The following SRGAP3 variants were observed in gnomAD, a reference collection of about 807,000 sequenced individuals.
SRGAP3 encodes SLIT-ROBO Rho GTPase-activating protein 3.
A neutral mutation model predicts 121.1 loss-of-function variants in SRGAP3; 39 were observed. That is an observed-to-expected ratio of 0.32 (90% CI 0.25 to 0.42). SRGAP3 has a LOEUF of 0.42. Among genes scored for constraint, SRGAP3 ranks in the 10% least tolerant of loss-of-function variants. The pLI, the probability that SRGAP3 is intolerant of heterozygous loss-of-function variation, is 1.00. For missense variants in SRGAP3, 1,213 were observed against 1,470.6 expected (o/e 0.82, Z 2.86); for synonymous variants, 601 against 570.0 (o/e 1.05, Z -0.77).
intron 1 of SRGAP3, chr3:9,192,556 T>A (rs1194882353): frequency 2.0e-5 from 3 of 151,972 alleles, no homozygotes; most frequent in Non-Finnish European, 4.4e-5. Context: ...TCCAAGTGAC[T>A]CCCCCGGGAG....
At chr3:9,226,485 C>A (rs929313095) in intron 1 of SRGAP3, among the ~76,000 whole-genome samples, 1 of 152,178 alleles carries the variant, frequency 6.6e-6, no homozygotes, top group African/African-American at 2.4e-5. Context: ...CCTGCCTGTT[C>A]CTTCAAGACA....
At chr3:9,232,544 T>A (rs891511751) in intron 1 of SRGAP3, among the ~76,000 whole-genome samples, 3 of 151,866 alleles carry the variant, frequency 2.0e-5, no homozygotes, top group African/African-American at 7.3e-5. Context: ...CAGACACACA[T>A]ACACACACAC....
At chr3:9,349,043 G>T in intron 1 of SRGAP3, 1 of 985,032 alleles carries the variant, frequency 1.0e-6, no homozygotes, top group Non-Finnish European at 1.6e-6. Context: ...CCTCTCTGAA[G>T]AGGCTATCAT....
At chr3:9,105,144 T>C (rs568497147) in intron 2 of SRGAP3, among the ~76,000 whole-genome samples, 1 of 152,354 alleles carries the variant, frequency 6.6e-6, no homozygotes, top group South Asian at 2.1e-4. Context: ...CCCCTGGGGC[T>C]AAGAAATACT....
chr3:9,213,011 C>A (rs1262904697), intron 1 of SRGAP3, among the ~76,000 whole-genome samples: 1 of 152,190 alleles, frequency 6.6e-6, no homozygotes, highest in South Asian at 2.1e-4. Context: ...TGATGCAGCT[C>A]CATGCCGGGG....
chr3:9,274,674 A>T (rs1208519001), intron 3 of SRGAP3, among the ~76,000 whole-genome samples: 1 of 152,216 alleles, frequency 6.6e-6, no homozygotes, highest in Non-Finnish European at 1.5e-5. Context: ...TTGCACAAAC[A>T]AATTGAAGGT....
At chr3:9,303,546 C>T (rs1304310474) in intron 3 of SRGAP3, among the ~76,000 whole-genome samples, 1 of 152,094 alleles carries the variant, frequency 6.6e-6, no homozygotes, top group Non-Finnish European at 1.5e-5. Flanking sequence ...ACTTAATCAT[C>T]TTGCATACCT....
chr3:9,150,383 G>A (rs1950176532), intron 1 of SRGAP3, among the ~76,000 whole-genome samples: 1 of 152,052 alleles, frequency 6.6e-6, no homozygotes, highest in Non-Finnish European at 1.5e-5. Flanking sequence ...CCAGCACCGA[G>A]AAGACCCAAT....
intron 3 of SRGAP3, among the ~76,000 whole-genome samples, chr3:9,263,087 G>A (rs1477741945): frequency 6.6e-6 from 1 of 152,112 alleles, no homozygotes; most frequent in Non-Finnish European, 1.5e-5. Context: ...ACAACTACAT[G>A]GAAACTGAAC....
In SRGAP3 at chr3:8,994,340, C is replaced by T. The variant is rs1334859381; in HGVS notation, c.2408+3G>A. On this transcript the variant is annotated splice_donor_region_variant and intron_variant, in intron 19 of 21. Coordinates refer to ENST00000383836, the MANE Select transcript of SRGAP3 (RefSeq NM_014850.4). ...TCTTCACAGAATTCTCGACTCCACT[C>T]ACATGTCCTGTACAACTATGTACTG... 1 of 1,613,992 alleles carries T rather than the reference C, an allele frequency of 6.2e-7. No homozygotes were observed. The highest frequency in any genetic ancestry group is 8.5e-7 in the Non-Finnish European group (1 of 1,180,054).
chr3:9,128,021 C>T (rs1162245743), intron 1 of SRGAP3, among the ~76,000 whole-genome samples: 3 of 151,644 alleles, frequency 2.0e-5, no homozygotes, highest in Non-Finnish European at 1.5e-5. Context: ...TAAATGTGCT[C>T]ATTTTTGGGG....
rs551612534 is a variant in SRGAP3 at position 8,997,028 on chromosome 3, GGAACAGGGC to G, written c.2228-2514_2228-2506del. Among the ~76,000 whole-genome samples the G allele has an allele frequency of 1.1e-4, 17 of 152,274 alleles. No homozygotes were observed. In the South Asian group the frequency reaches 3.5e-3, roughly 32 times the overall value. ...ACAATGTGAGGGAAAGAAAACAGGA[GGAACAGGGC>G]GAACCTCCAGCTCAGAGAAAGCACG... On this transcript the variant is annotated intron_variant, in intron 18 of 21. Transcript: ENST00000383836.
intron 3 of SRGAP3, among the ~76,000 whole-genome samples, chr3:9,305,356 G>T (rs1049375520): frequency 8.3e-5 from 12 of 144,578 alleles, no homozygotes; most frequent in Admixed American, 5.5e-4. Context: ...CTCACAGGAG[G>T]TCCTCTCTTT....
chr3:9,316,238 C>T (rs960841994), intron 3 of SRGAP3, among the ~76,000 whole-genome samples: 2 of 151,752 alleles, frequency 1.3e-5, no homozygotes, highest in Non-Finnish European at 1.5e-5. Flanking sequence ...CAGTGGAGAC[C>T]GGGTTTCACC....
At chr3:9,003,171 T>C (rs546370276) in intron 18 of SRGAP3, among the ~76,000 whole-genome samples, 1 of 152,208 alleles carries the variant, frequency 6.6e-6, no homozygotes, top group East Asian at 1.9e-4. Flanking sequence ...TGGATACAAA[T>C]ATCCTCTACA....
intron 21 of SRGAP3, among the ~76,000 whole-genome samples, chr3:8,990,226 G>T (rs1424286883): frequency 6.6e-6 from 1 of 152,256 alleles, no homozygotes; most frequent in East Asian, 1.9e-4. Flanking sequence ...ATCATTTTGT[G>T]TAGTGACCTG....
At chr3:9,226,129 C>A (rs943203195) in intron 1 of SRGAP3, among the ~76,000 whole-genome samples, 3 of 152,170 alleles carry the variant, frequency 2.0e-5, no homozygotes, top group African/African-American at 4.8e-5. Flanking sequence ...CAACCCCCGA[C>A]CCCTATCTCT....
chr3:9,359,719 T>C (rs2030696809), intron 1 of SRGAP3, among the ~76,000 whole-genome samples: 1 of 152,256 alleles, frequency 6.6e-6, no homozygotes, highest in Non-Finnish European at 1.5e-5. Context: ...TTCTGTTTAC[T>C]GCAAAATGGG....
intron 3 of SRGAP3, among the ~76,000 whole-genome samples, chr3:9,314,432 G>C (rs1178792324): frequency 6.6e-6 from 1 of 152,062 alleles, no homozygotes; most frequent in African/African-American, 2.4e-5. Flanking sequence ...ACAGGAGGAA[G>C]AAGAAAGAAG....
Sources: gnomAD v4.1 joint callset for allele counts (sites outside exome capture counted in the v4.1 genomes callset) on GRCh38, gnomAD v4.1.1 for gene constraint, MANE v1.5 for transcripts, NCBI Gene and HGNC (gene_info 2026-07-23, HGNC 2026-07-21) for gene names.